TCF12: variants seen among roughly 807,000 people sequenced by gnomAD.
TCF12 encodes the protein transcription factor 12, also known as DNA-binding protein HTF4.
A neutral mutation model predicts 86.0 loss-of-function variants in TCF12; 45 were observed. The observed-to-expected ratio is 0.52, with a 90% confidence interval of 0.41 to 0.67. The LOEUF (loss-of-function observed/expected upper bound fraction) is 0.67. Among genes scored for constraint, TCF12 ranks in the 30% least tolerant of loss-of-function variants. The probability of loss-of-function intolerance (pLI) is 0.00; values close to 1 mark genes in which losing one functional copy is unlikely to be tolerated. For missense variants in TCF12, 881 were observed against 859.9 expected, an observed-to-expected ratio of 1.02 and a Z score of -0.31; for synonymous variants, 330 against 299.6, an observed-to-expected ratio of 1.10 and a Z score of -1.05.
At chr15:57,219,269 C>A in intron 8 of TCF12, 1 of 1,177,116 alleles carries the variant, frequency 8.5e-7, no homozygotes, top group Non-Finnish European at 1.1e-6. Flanking sequence ...TTTTTTAATA[C>A]CTCAAATTTT....
intron 3 of TCF12, among the ~76,000 whole-genome samples, chr15:57,010,018 G>A (rs891037039): frequency 1.5e-4 from 23 of 152,118 alleles, no homozygotes; most frequent in Non-Finnish European, 2.9e-4. Context: ...CAGGTAGTGC[G>A]TTCTTTATCC....
At chr15:57,228,823 A>G (rs1275815216) in intron 8 of TCF12, among the ~76,000 whole-genome samples, 1 of 152,044 alleles carries the variant, frequency 6.6e-6, no homozygotes, top group Non-Finnish European at 1.5e-5. Flanking sequence ...AAATTATGTA[A>G]AAATTTAAAC....
intron 5 of TCF12, among the ~76,000 whole-genome samples, chr15:57,119,417 C>A (rs530320912): frequency 6.7e-6 from 1 of 149,952 alleles, no homozygotes; most frequent in African/African-American, 2.5e-5. Flanking sequence ...CCTTCCAAAC[C>A]GCTGGAATTA....
At chr15:57,217,849 T>A (rs1566931240) in intron 8 of TCF12, among the ~76,000 whole-genome samples, 1 of 152,154 alleles carries the variant, frequency 6.6e-6, no homozygotes, top group Non-Finnish European at 1.5e-5. Flanking sequence ...GAATCAAAGC[T>A]TTTTACACAG....
intron 3 of TCF12, among the ~76,000 whole-genome samples, chr15:56,955,349 G>C (rs1200223334): frequency 6.6e-5 from 10 of 151,872 alleles, no homozygotes; most frequent in African/African-American, 9.7e-5. Context: ...GGAATTGAAC[G>C]GTGAGAACTC....
chr15:57,034,353 G>A (rs2066377208), intron 3 of TCF12, among the ~76,000 whole-genome samples: 1 of 151,832 alleles, frequency 6.6e-6, no homozygotes, highest in African/African-American at 2.4e-5. Flanking sequence ...ACCACTTCTG[G>A]GTGGGCAAGA....
In TCF12 at chr15:57,223,657, T is replaced by TA. The variant is rs2058725534; in HGVS notation, c.580-7495_580-7494insA. On this transcript the variant is annotated intron_variant, in intron 8 of 20. Coordinates refer to ENST00000333725, the MANE Select transcript of TCF12 (RefSeq NM_207037.2). Reference sequence around the variant, plus strand: ...CTACCAATGAGGTTTTTTTTTTTTTTTTTTTTTTTTTTTTAGAAATAGAGT... The same window carrying TA: ...CTACCAATGAGGTTTTTTTTTTTTTTATTTTTTTTTTTTTTAGAAATAGAGT... Among the ~76,000 whole-genome samples the TA allele has an allele frequency of 1.5e-5, 2 of 135,138 alleles. 1 individual carries two copies. Among genetic ancestry groups the TA allele is most frequent in the South Asian group, 4.8e-4 (2 of 4,192 alleles). The allele number at this position is 135,138 out of a possible 152,430, so 88.7% of individuals were successfully genotyped here. A position where few individuals can be genotyped will look rare whatever the true frequency, so the allele number is the denominator to read the frequency against.
intron 3 of TCF12, among the ~76,000 whole-genome samples, chr15:57,007,459 A>AT (rs2064450059): frequency 6.6e-6 from 1 of 152,132 alleles, no homozygotes; most frequent in Non-Finnish European, 1.5e-5. Flanking sequence ...GTTTAAGAGA[A>AT]TTTTTTGGAG....
At chr15:57,027,726 C>A (rs564256860) in intron 3 of TCF12, among the ~76,000 whole-genome samples, 7 of 152,154 alleles carry the variant, frequency 4.6e-5, no homozygotes, top group African/African-American at 1.7e-4. Flanking sequence ...ACTGTAGCTC[C>A]CATAATCCCC....
At chr15:56,985,048 G>T (rs1383264129) in intron 3 of TCF12, among the ~76,000 whole-genome samples, 3 of 152,176 alleles carry the variant, frequency 2.0e-5, no homozygotes, top group South Asian at 4.1e-4. Flanking sequence ...GAACTCTTGG[G>T]TTGGAATGCA....
chr15:57,036,514 G>A (rs2141399281), intron 3 of TCF12, among the ~76,000 whole-genome samples: 1 of 152,168 alleles, frequency 6.6e-6, no homozygotes, highest in African/African-American at 2.4e-5. Flanking sequence ...GGCAGCACTT[G>A]TTTTTATCTC....
chr15:57,263,143 T>TA lies in TCF12; in HGVS notation c.1615dup (p.Thr539AsnfsTer7). 2 of 1,612,054 alleles carry TA rather than the reference T, an allele frequency of 1.2e-6. No homozygotes were observed. The highest frequency in any genetic ancestry group is 2.2e-5 in the East Asian group (1 of 44,778). On this transcript the variant is annotated frameshift_variant, in exon 18 of 21. Transcript: ENST00000333725. LOFTEE classifies it high-confidence loss of function. ...TGCAAAGTCAGTCTGGAACTGTTGT[T>TA]ACAACAGAAATCAAGACTGAAAACA...
intron 4 of TCF12, among the ~76,000 whole-genome samples, chr15:57,078,112 A>G (rs1309601928): frequency 6.6e-6 from 1 of 152,062 alleles, no homozygotes; most frequent in African/African-American, 2.4e-5. Flanking sequence ...TTGACACTTT[A>G]TTTTCCAGTT....
At chr15:56,998,760 T>C (rs1015215735) in intron 3 of TCF12, among the ~76,000 whole-genome samples, 2 of 152,144 alleles carry the variant, frequency 1.3e-5, no homozygotes. Context: ...GGAACAATGC[T>C]CTAAGACAGA....
intron 3 of TCF12, among the ~76,000 whole-genome samples, chr15:57,052,523 G>A (rs1271736653): frequency 6.6e-6 from 1 of 151,662 alleles, no homozygotes; most frequent in East Asian, 1.9e-4. Context: ...TGTAATCCCA[G>A]CTACTCGGGA....
chr15:57,110,067 A>G (rs1221602460), intron 5 of TCF12, among the ~76,000 whole-genome samples: 5 of 152,218 alleles, frequency 3.3e-5, no homozygotes, highest in African/African-American at 1.2e-4. Context: ...AATGACTCCT[A>G]AATTACCCAG....
intron 5 of TCF12, among the ~76,000 whole-genome samples, chr15:57,148,411 TA>T (rs71113069): frequency 0.025 from 3,546 of 144,724 alleles, 133 homozygotes; most frequent in African/African-American, 0.084. Flanking sequence ...AGACTTTGTT[TA>T]AAAAAAAAAA....
intron 4 of TCF12, among the ~76,000 whole-genome samples, chr15:57,071,132 C>T (rs1404319422): frequency 1.3e-5 from 2 of 151,648 alleles, no homozygotes; most frequent in Non-Finnish European, 2.9e-5. Context: ...TTAGGCTGGG[C>T]GTGATGGCTC....
At chr15:57,274,938 G>A (rs1204813589) in intron 19 of TCF12, among the ~76,000 whole-genome samples, 1 of 152,004 alleles carries the variant, frequency 6.6e-6, no homozygotes, top group African/African-American at 2.4e-5. Context: ...CTTCTGTGAT[G>A]GAAAAACACA....
Sources: allele counts gnomAD v4.1 joint callset (sites outside exome capture counted in the v4.1 genomes callset), GRCh38; gene constraint gnomAD v4.1.1; transcripts MANE v1.5; gene names NCBI Gene and HGNC (gene_info 2026-07-23, HGNC 2026-07-21).